Variants in PTPN5 observed in about 807,000 individuals in gnomAD.
PTPN5 encodes the protein protein tyrosine phosphatase non-receptor type 5, also known as tyrosine-protein phosphatase non-receptor type 5.
A neutral mutation model predicts 73.9 loss-of-function variants in PTPN5; 29 were observed. The observed-to-expected ratio is 0.39, with a 90% CI of 0.29 to 0.54. The LOEUF (loss-of-function observed/expected upper bound fraction) is 0.54, where lower values mean the gene tolerates loss of function less well. Ranked by LOEUF, PTPN5 falls within the 20% of genes least tolerant of loss-of-function variation. PTPN5 has a pLI of 0.65. For missense variants in PTPN5, 652 were observed against 751.4 expected (o/e 0.87, Z 1.55); for synonymous variants, 267 against 304.7 (o/e 0.88, Z 1.29).
intron 5 of PTPN5, 99 bp from the exon 6 acceptor site, chr11:18,743,174 G>A: frequency 8.2e-7 from 1 of 1,217,304 alleles, no homozygotes; most frequent in Admixed American, 1.8e-5. Flanking sequence ...TCACGTCCCA[G>A]GTCTGGGATG....
rs1261107161 is a variant in PTPN5 at position 18,748,304 on chromosome 11, A to C, written c.98-4105T>G. On this transcript the variant is annotated intron_variant, in intron 3 of 14. Transcript: ENST00000358540. ...TGTGTGATCATTACTTTTGCATATG[A>C]AAGATAGGTTAACTGTCTTGCACAT... 2.0e-5 allele frequency among the ~76,000 whole-genome samples: 3 copies of C among 152,186 alleles called. No individual in the cohort carries two copies. The East Asian group carries it at 5.8e-4, about 29-fold the overall frequency.
rs539493687 is a variant in PTPN5 at position 18,779,698 on chromosome 11, C to T, written c.-113-7627G>A. Among the ~76,000 whole-genome samples the T allele has an allele frequency of 5.3e-5, 8 of 152,280 alleles. No individual in the cohort carries two copies. The South Asian group carries it at 1.7e-3, about 32-fold the overall frequency. Reference sequence around the variant, plus strand: ...GAAACCTGGGCCCAGGGCAGGCTGTCAACAGAGGTCCTCAGTCACGGGCTG... The same window carrying T: ...GAAACCTGGGCCCAGGGCAGGCTGTTAACAGAGGTCCTCAGTCACGGGCTG... On this transcript the variant is annotated intron_variant, in intron 1 of 14. Transcript: ENST00000358540.
At position 18,747,632 on chromosome 11, in the gene PTPN5, G is replaced by C. The variant is rs554664199; in HGVS notation, c.98-3433C>G. 2.0e-5 allele frequency among the ~76,000 whole-genome samples: 3 copies of C among 152,276 alleles called. No homozygotes were observed. The South Asian group carries it at 6.2e-4, about 32-fold the overall frequency. On this transcript the variant is annotated intron_variant, in intron 3 of 14. Coordinates refer to ENST00000358540, the MANE Select transcript of PTPN5 (RefSeq NM_006906.2). ...CAGGGATACATGCACCCCAGTCTGA[G>C]AAGCATGAAATTTGCCTGCAATAAA...
At chr11:18,739,609 G>A (rs1214938968) in intron 8 of PTPN5, among the ~76,000 whole-genome samples, 1 of 152,182 alleles carries the variant, frequency 6.6e-6, no homozygotes, top group African/African-American at 2.4e-5. Context: ...CTTCTCACAG[G>A]GGAGAGCTAC....
intron 7 of PTPN5, among the ~76,000 whole-genome samples, chr11:18,741,584 A>T (rs112776397): frequency 2.6e-5 from 4 of 152,144 alleles, no homozygotes; most frequent in African/African-American, 9.6e-5. Flanking sequence ...ACCCACCTAG[A>T]CTCTGAAACG....
intron 9 of PTPN5, among the ~76,000 whole-genome samples, chr11:18,734,258 A>G (rs1386364328): frequency 6.6e-6 from 1 of 152,228 alleles, no homozygotes; most frequent in East Asian, 1.9e-4. Flanking sequence ...TATCTGGATT[A>G]AGACTGTGGG....
intron 9 of PTPN5, 115 bp downstream of exon 9, chr11:18,737,765 C>T: frequency 1.1e-6 from 1 of 904,644 alleles, no homozygotes; most frequent in South Asian, 1.4e-5. Flanking sequence ...CCCTCTGTCC[C>T]ACCTCCTCCA....
At chr11:18,732,064 A>G (rs1447847013) in intron 12 of PTPN5, among the ~76,000 whole-genome samples, 1 of 152,162 alleles carries the variant, frequency 6.6e-6, no homozygotes, top group Non-Finnish European at 1.5e-5. Context: ...TGTATTGCTC[A>G]TATTTTGTGT....
chr11:18,736,748 C>T (rs983242342), intron 9 of PTPN5, among the ~76,000 whole-genome samples: 1 of 152,158 alleles, frequency 6.6e-6, no homozygotes, highest in Non-Finnish European at 1.5e-5. Context: ...TGGAATGCAG[C>T]GGGGACTGCA....
At position 18,737,981 on chromosome 11, in the gene PTPN5, C is replaced by G. The variant is rs578201636; in HGVS notation, c.916-17G>C. On this transcript the variant is annotated splice_polypyrimidine_tract_variant and intron_variant, in intron 8 of 14. Coordinates refer to ENST00000358540, the MANE Select transcript of PTPN5 (RefSeq NM_006906.2). ...GGGGATTTCCTGTGGAAGGAGGACACGGGGTGTGAGCAGCTATGGGCCCTC... is the reference window on the plus strand; with the variant it reads ...GGGGATTTCCTGTGGAAGGAGGACAGGGGGTGTGAGCAGCTATGGGCCCTC... 133 of 1,609,054 alleles carry G rather than the reference C, an allele frequency of 8.3e-5. No homozygotes were observed. The highest frequency in any genetic ancestry group is 1.1e-4 in the Non-Finnish European group (133 of 1,175,494).
chr11:18,743,983 T>TG (rs760373957), intron 4 of PTPN5, 23 bp downstream of exon 4: 7 of 1,570,500 alleles, frequency 4.5e-6, no homozygotes, highest in Non-Finnish European at 6.0e-6. Flanking sequence ...TCCAGACCCT[T>TG]GTGAGGCCTG....
chr11:18,743,666 T>C, intron 4 of PTPN5: 3 of 591,692 alleles, frequency 5.1e-6, no homozygotes, highest in Non-Finnish European at 9.0e-6. Context: ...AGAGAGGACC[T>C]CACAAATATG....
rs1590478791 is a variant in PTPN5 at position 18,732,526 on chromosome 11, T to A, written c.1329+66A>T. ...CAGTGGACTTGGGGGACCTGTTCTC[T>A]GTGGAGCCCCCAGTTAAGCCCCTAC... On this transcript the variant is annotated intron_variant, in intron 12 of 14. Transcript: ENST00000358540. The A allele has an allele frequency of 1.1e-5, 13 of 1,208,276 alleles. No homozygotes were observed. The East Asian group carries it at 3.0e-4, about 28-fold the overall frequency. 74.8% of individuals were successfully genotyped at this position (1,208,276 alleles called of 1,614,324 possible). A position where few individuals can be genotyped will look rare whatever the true frequency, so the allele number is the denominator to read the frequency against.
chr11:18,754,002 A>T (rs762748857), intron 3 of PTPN5, among the ~76,000 whole-genome samples: 11 of 152,356 alleles, frequency 7.2e-5, no homozygotes, highest in South Asian at 6.2e-4. Context: ...AACACACATT[A>T]AACACATTAC....
intron 9 of PTPN5, among the ~76,000 whole-genome samples, chr11:18,735,888 G>T (rs1207826327): frequency 6.6e-6 from 1 of 152,190 alleles, no homozygotes; most frequent in Non-Finnish European, 1.5e-5. Flanking sequence ...GACAATGGTA[G>T]AAGATGGAGA....
chr11:18,739,917 G>C (rs1046888727), intron 8 of PTPN5, among the ~76,000 whole-genome samples: 1 of 152,200 alleles, frequency 6.6e-6, no homozygotes, highest in African/African-American at 2.4e-5. Context: ...CCCTGTGGAG[G>C]GTGGAAAGTG....
intron 9 of PTPN5, among the ~76,000 whole-genome samples, chr11:18,737,131 C>G (rs895214600): frequency 6.6e-6 from 1 of 152,162 alleles, no homozygotes; most frequent in Non-Finnish European, 1.5e-5. Flanking sequence ...AAGTCAACGC[C>G]CAAGCTAGCC....
intron 3 of PTPN5, among the ~76,000 whole-genome samples, chr11:18,764,107 C>T (rs1271560616): frequency 6.6e-6 from 1 of 152,196 alleles, no homozygotes; most frequent in Non-Finnish European, 1.5e-5. Flanking sequence ...TCATCTGGAC[C>T]TCCCATCCAT....
chr11:18,767,182 C>T (rs1850681137), intron 2 of PTPN5, among the ~76,000 whole-genome samples: 1 of 152,226 alleles, frequency 6.6e-6, no homozygotes, highest in Admixed American at 6.5e-5. Context: ...CCAAGTCCTG[C>T]TATCCTGCTT....
Sources: allele counts gnomAD v4.1 joint callset (sites outside exome capture counted in the v4.1 genomes callset), GRCh38; gene constraint gnomAD v4.1.1; transcripts MANE v1.5; gene names NCBI Gene and HGNC (gene_info 2026-07-23, HGNC 2026-07-21).